The following BCKDHB variants were observed in gnomAD, a reference collection of about 807,000 sequenced individuals.
The protein encoded by BCKDHB is 2-oxoisovalerate dehydrogenase subunit beta, mitochondrial.
Under a neutral mutation model 48.5 loss-of-function variants are expected in BCKDHB, and 41 were observed. The ratio of observed to expected loss-of-function variants is 0.85; its 90% CI spans 0.66 to 1.10. BCKDHB has a LOEUF of 1.10. Ranked by LOEUF, BCKDHB falls within the 50% of genes least tolerant of loss-of-function variation. BCKDHB has a pLI of 0.00. For synonymous variants in BCKDHB, 201 were observed against 174.8 expected, an observed-to-expected ratio of 1.15 and a Z score of -1.18; for missense variants, 496 against 494.2, an observed-to-expected ratio of 1.00 and a Z score of -0.03.
At chr6:80,155,018 A>T (rs1003945905) in intron 3 of BCKDHB, among the ~76,000 whole-genome samples, 1 of 152,174 alleles carries the variant, frequency 6.6e-6, no homozygotes, top group Non-Finnish European at 1.5e-5. Context: ...GAACAGTGTT[A>T]ACAGTGCTAT....
At chr6:80,222,377 C>G (rs1775496167) in intron 8 of BCKDHB, among the ~76,000 whole-genome samples, 1 of 152,162 alleles carries the variant, frequency 6.6e-6, no homozygotes, top group South Asian at 2.1e-4. Context: ...AACTCTAAAG[C>G]CAATAAAGAT....
At chr6:80,276,577 T>C (rs11968568) in intron 9 of BCKDHB, among the ~76,000 whole-genome samples, 11,488 of 151,936 alleles carry the variant, frequency 0.076, 617 homozygotes, top group South Asian at 0.24. Context: ...GAATATAAGA[T>C]GGAGTCATAA....
chr6:80,373,227 G>T, the BCKDHB span, among the ~76,000 whole-genome samples: 1 of 152,054 alleles, frequency 6.6e-6, no homozygotes, highest in African/African-American at 2.4e-5. Flanking sequence ...GTTCTAGTTT[G>T]TGCACATAAA....
chr6:80,262,378 A>T lies in BCKDHB; in HGVS notation c.952-10757A>T, dbSNP rs1391111990. Among the ~76,000 whole-genome samples, 3 of 152,148 alleles carry T rather than the reference A, an allele frequency of 2.0e-5. No homozygotes were observed. The East Asian group carries it at 5.8e-4, about 29-fold the overall frequency. On this transcript the variant is annotated intron_variant, in intron 8 of 9. Transcript: ENST00000320393. Reference sequence around the variant, plus strand: ...CGTGGTAACACACAAACACACACGCACACACATATGACTATTTTAAACCAG... The same window carrying T: ...CGTGGTAACACACAAACACACACGCTCACACATATGACTATTTTAAACCAG...
intron 3 of BCKDHB, among the ~76,000 whole-genome samples, chr6:80,147,753 T>C (rs188254544): frequency 6.6e-6 from 1 of 152,252 alleles, no homozygotes; most frequent in East Asian, 1.9e-4. Flanking sequence ...CAACAATCTT[T>C]ACTGCTAAGA....
At chr6:80,388,122 C>T in the BCKDHB span, among the ~76,000 whole-genome samples, 1 of 152,302 alleles carries the variant, frequency 6.6e-6, no homozygotes, top group East Asian at 1.9e-4. Flanking sequence ...ACACATTTCT[C>T]ATTTGAGTGT....
In BCKDHB at chr6:80,169,031, G is replaced by C. The variant is rs398124589; in HGVS notation, c.633+1G>C. On this transcript the variant is annotated splice_donor_variant, in intron 5 of 9. Coordinates refer to ENST00000320393, the MANE Select transcript of BCKDHB (RefSeq NM_183050.4). LOFTEE classifies it high-confidence loss of function. Reference sequence around the variant, plus strand: ...TTTTGCCCATTGCCCAGGAATCAAGGTATGTTCATTTATGTACTTTATTTG... The same window carrying C: ...TTTTGCCCATTGCCCAGGAATCAAGCTATGTTCATTTATGTACTTTATTTG... 6.2e-7 allele frequency: 1 copy of C among 1,613,662 alleles called. No individual in the cohort carries two copies. Among genetic ancestry groups the C allele is most frequent in the Non-Finnish European group, 8.5e-7 (1 of 1,179,670 alleles).
the BCKDHB span, among the ~76,000 whole-genome samples, chr6:80,390,967 G>C: frequency 5.3e-5 from 8 of 152,162 alleles, no homozygotes; most frequent in East Asian, 1.6e-3. Context: ...GAAAAGGAGA[G>C]AGTGGCCTAG....
intron 3 of BCKDHB, among the ~76,000 whole-genome samples, 172 bp from the exon 4 acceptor site, chr6:80,167,506 T>A (rs1191839976): frequency 6.6e-6 from 1 of 152,170 alleles, no homozygotes; most frequent in Non-Finnish European, 1.5e-5. Context: ...CCTCCCAAAC[T>A]GCTAGGATTA....
intron 9 of BCKDHB, among the ~76,000 whole-genome samples, chr6:80,289,470 T>G (rs73748780): frequency 0.018 from 2,710 of 151,930 alleles, 74 homozygotes; most frequent in African/African-American, 0.062. Context: ...AGAGACCAAA[T>G]TTTAGAGTAA....
chr6:80,418,837 G>A, the BCKDHB span, among the ~76,000 whole-genome samples: 78 of 152,314 alleles, frequency 5.1e-4, 1 homozygote, highest in African/African-American at 1.8e-3. Flanking sequence ...CTGCCTCTCT[G>A]TGGGTGTTCA....
chr6:80,368,469 A>C, the BCKDHB span, among the ~76,000 whole-genome samples: 1 of 152,300 alleles, frequency 6.6e-6, no homozygotes, highest in Non-Finnish European at 1.5e-5. Flanking sequence ...TTCTTTTCAA[A>C]ATTATTCTTA....
chr6:80,291,068 C>G (rs946432634), intron 9 of BCKDHB, among the ~76,000 whole-genome samples: 4 of 152,198 alleles, frequency 2.6e-5, no homozygotes, highest in Admixed American at 2.0e-4. Flanking sequence ...TACCTTGTGC[C>G]AACCTCCTAT....
upstream of BCKDHB, chr6:80,106,622 T>G (rs1291350765): frequency 6.0e-6 from 9 of 1,505,286 alleles, no homozygotes; most frequent in Non-Finnish European, 8.0e-6. Flanking sequence ...TGTGGAAGCC[T>G]CCTCGGGTGC....
At position 80,293,845 on chromosome 6, in the gene BCKDHB, C is replaced by A. The variant is rs565361540; in HGVS notation, c.1038+20624C>A. 7.2e-5 allele frequency among the ~76,000 whole-genome samples: 11 copies of A among 152,304 alleles called. No homozygotes were observed. The East Asian group carries it at 1.4e-3, about 19-fold the overall frequency. ...CCCTCATGTTCAAAATTCCACAAAT[C>A]TCTAGGGCAGGAGCAAAATACCACC... On this transcript the variant is annotated intron_variant, in intron 9 of 9. Coordinates refer to ENST00000320393, the MANE Select transcript of BCKDHB (RefSeq NM_183050.4).
chr6:80,444,416 T>G, the BCKDHB span, among the ~76,000 whole-genome samples: 49 of 152,312 alleles, frequency 3.2e-4, no homozygotes, highest in African/African-American at 1.2e-3. Flanking sequence ...TTGATACTTA[T>G]TAAAATAATT....
chr6:80,386,982 C>T, the BCKDHB span, among the ~76,000 whole-genome samples: 1 of 151,284 alleles, frequency 6.6e-6, no homozygotes, highest in South Asian at 2.1e-4. Context: ...TTTCTCCCAT[C>T]CCCCCCCAAG....
chr6:80,220,300 A>ATTTT (rs1775359299), intron 8 of BCKDHB, among the ~76,000 whole-genome samples: 2 of 16,448 alleles, frequency 1.2e-4, no homozygotes, highest in African/African-American at 1.2e-4. Flanking sequence ...GTATCATGCT[A>ATTTT]TTTGTTTTTT....
chr6:80,210,649 A>G (rs1378835924), intron 8 of BCKDHB, among the ~76,000 whole-genome samples: 1 of 152,164 alleles, frequency 6.6e-6, no homozygotes, highest in Non-Finnish European at 1.5e-5. Context: ...TTCACATTGT[A>G]GTGAGCCCTT....
Sources: allele counts gnomAD v4.1 joint callset (sites outside exome capture counted in the v4.1 genomes callset), GRCh38; gene constraint gnomAD v4.1.1; transcripts MANE v1.5; gene names NCBI Gene and HGNC (gene_info 2026-07-23, HGNC 2026-07-21).